Variants in PLCL1 observed in about 807,000 individuals in gnomAD.
PLCL1 encodes phospholipase C like 1 (inactive), also known as inactive phospholipase C-like protein 1.
PLCL1 carries 41 observed loss-of-function variants against 84.4 expected under a neutral mutation model. The observed-to-expected ratio is 0.49, with a 90% CI of 0.38 to 0.63. The LOEUF is 0.63. Ranked by LOEUF, PLCL1 falls within the 30% of genes least tolerant of loss-of-function variation. The probability of loss-of-function intolerance (pLI) is 0.00; values close to 1 mark genes in which losing one functional copy is unlikely to be tolerated. For missense variants in PLCL1, 1,206 were observed against 1,367.8 expected (o/e 0.88, Z 1.87); for synonymous variants, 490 against 488.3 (o/e 1.00, Z -0.05).
intron 1 of PLCL1, among the ~76,000 whole-genome samples, chr2:197,976,040 C>T (rs1380753053): frequency 6.6e-6 from 1 of 152,124 alleles, no homozygotes; most frequent in African/African-American, 2.4e-5. Context: ...TAATATTTCC[C>T]TACACTCTTG....
intron 1 of PLCL1, among the ~76,000 whole-genome samples, chr2:197,829,589 TG>T (rs1691012380): frequency 6.6e-6 from 1 of 152,240 alleles, no homozygotes; most frequent in South Asian, 2.1e-4. Flanking sequence ...TGTAGATTTT[TG>T]CTGTTCTATT....
chr2:197,944,110 G>A (rs981505796), intron 1 of PLCL1, among the ~76,000 whole-genome samples: 8 of 152,154 alleles, frequency 5.3e-5, no homozygotes, highest in East Asian at 1.9e-4. Flanking sequence ...TAGAGTTTGC[G>A]TATCTGGGTA....
At chr2:197,813,234 GACCAT>G (rs1391067071) in intron 1 of PLCL1, among the ~76,000 whole-genome samples, 2 of 152,170 alleles carry the variant, frequency 1.3e-5, no homozygotes, top group Non-Finnish European at 2.9e-5. Context: ...AGAGAGAGAA[GACCAT>G]GCTATGTGCA....
intron 1 of PLCL1, among the ~76,000 whole-genome samples, chr2:197,946,274 T>A (rs558148181): frequency 6.6e-6 from 1 of 152,146 alleles, no homozygotes. Context: ...TTTGACTAAA[T>A]AAAATTTCAA....
intron 5 of PLCL1, among the ~76,000 whole-genome samples, chr2:198,115,968 A>G (rs969598809): frequency 2.0e-5 from 3 of 147,800 alleles, no homozygotes; most frequent in Non-Finnish European, 4.5e-5. Context: ...CATATAATAT[A>G]TAAAAATATA....
At chr2:197,982,742 G>T (rs538470922) in intron 1 of PLCL1, among the ~76,000 whole-genome samples, 28 of 152,332 alleles carry the variant, frequency 1.8e-4, no homozygotes, top group African/African-American at 6.5e-4. Flanking sequence ...TGCTGAGGGA[G>T]TAGCTGTGAT....
chr2:198,038,004 G>A (rs1691584511), intron 1 of PLCL1, among the ~76,000 whole-genome samples: 1 of 152,132 alleles, frequency 6.6e-6, no homozygotes, highest in Non-Finnish European at 1.5e-5. Flanking sequence ...TTCAAGCAGA[G>A]AACTTGAATT....
In PLCL1 at chr2:198,085,207, A is replaced by G. The variant is rs763995640; in HGVS notation, c.1690A>G (p.Met564Val). The change falls in exon 2 of 6, where the codon ATG becomes GTG. Residue 564 changes from methionine to valine, a missense_variant. Coordinates refer to ENST00000428675, the MANE Select transcript of PLCL1 (RefSeq NM_006226.4). The surrounding 1 kb of genome is among the most constrained non-coding windows in gnomAD (Gnocchi z 5.3). ...AACAGATGAAGATGAAGAAGCTGAA[A>G]TGTCTCGAAGGATGTCGGTAGATTA... ...EVTDEDEEAE[M>V]SRRMSVDYNG... is the part of the protein sequence containing the mutation. The G allele has an allele frequency of 1.1e-5, 17 of 1,613,886 alleles. No individual in the cohort carries two copies. Among genetic ancestry groups the G allele is most frequent in the Non-Finnish European group, 1.4e-5 (17 of 1,179,954 alleles).
intron 1 of PLCL1, among the ~76,000 whole-genome samples, chr2:198,079,904 C>T (rs1692668250): frequency 6.6e-6 from 1 of 152,158 alleles, no homozygotes; most frequent in Non-Finnish European, 1.5e-5. Flanking sequence ...AGAGGCATGA[C>T]AATGCACTAT....
intron 1 of PLCL1, among the ~76,000 whole-genome samples, chr2:197,985,753 G>C (rs1559065313): frequency 6.6e-6 from 1 of 152,152 alleles, no homozygotes; most frequent in Non-Finnish European, 1.5e-5. Context: ...TTTACTGTCT[G>C]GCCTTTTACA....
At chr2:197,958,761 C>A (rs1689543579) in intron 1 of PLCL1, among the ~76,000 whole-genome samples, 1 of 152,018 alleles carries the variant, frequency 6.6e-6, no homozygotes, top group African/African-American at 2.4e-5. Context: ...AATCCTCACA[C>A]CACAGAGATA....
At chr2:198,106,073 A>G (rs1207248926) in intron 5 of PLCL1, among the ~76,000 whole-genome samples, 2 of 151,966 alleles carry the variant, frequency 1.3e-5, no homozygotes, top group Non-Finnish European at 2.9e-5. Context: ...TGAATTAACA[A>G]TTTAATACTC....
Position 197,915,135 on chromosome 2 carries a change from A to G in PLCL1, c.240+109796A>G, listed in dbSNP as rs559411193. On this transcript the variant is annotated intron_variant, in intron 1 of 5. Coordinates refer to ENST00000428675, the MANE Select transcript of PLCL1 (RefSeq NM_006226.4). The stretch of plus-strand genomic sequence containing the variant: ...CTGGACAGTTTGCAGCTCAGGTAAG[A>G]ACAATTCCAACTTCCAGATGAGATT... 8.7e-4 allele frequency among the ~76,000 whole-genome samples: 133 copies of G among 152,302 alleles called. 1 individual carries two copies. In the South Asian group the frequency reaches 0.026, roughly 29 times the overall value.
intron 1 of PLCL1, among the ~76,000 whole-genome samples, chr2:198,074,716 T>C (rs1559094212): frequency 6.6e-6 from 1 of 152,186 alleles, no homozygotes; most frequent in Admixed American, 6.5e-5. Flanking sequence ...ACTCACTACA[T>C]AGGACACAAA....
Position 198,013,735 on chromosome 2 carries a change from A to T in PLCL1, c.241-70023A>T, listed in dbSNP as rs184219815. On this transcript the variant is annotated intron_variant, in intron 1 of 5. Transcript: ENST00000428675. ...AATAATTATGAAACACCAATGAACC[A>T]GTGCAGCTGGGGATTTAAACATCTA... Among the ~76,000 whole-genome samples the T allele has an allele frequency of 6.6e-5, 10 of 152,296 alleles. No individual in the cohort carries two copies. The East Asian group carries it at 1.9e-3, about 29-fold the overall frequency.
In PLCL1 at chr2:198,103,942, T is replaced by C. The variant is rs1186035496; in HGVS notation, c.3105+6T>C. 1.4e-6 allele frequency: 2 copies of C among 1,462,522 alleles called. No homozygotes were observed. Among genetic ancestry groups the C allele is most frequent in the South Asian group, 1.2e-5 (1 of 83,282 alleles). The allele number at this position is 1,462,522 out of a possible 1,614,324, so 90.6% of individuals were successfully genotyped here. Reference sequence around the variant, plus strand: ...GGAACATTACAGTATTGAAGGTAGATGAAACACTCAGATGTCCCCTGTGCC... The same window carrying C: ...GGAACATTACAGTATTGAAGGTAGACGAAACACTCAGATGTCCCCTGTGCC... On this transcript the variant is annotated splice_donor_region_variant and intron_variant, in intron 5 of 5. Transcript: ENST00000428675.
At chr2:197,958,056 T>G (rs1689526381) in intron 1 of PLCL1, among the ~76,000 whole-genome samples, 2 of 151,946 alleles carry the variant, frequency 1.3e-5, no homozygotes, top group African/African-American at 4.8e-5. Context: ...TTTTCTCTCA[T>G]GTGGCTTCCC....
chr2:198,033,243 A>G (rs1033484748), intron 1 of PLCL1, among the ~76,000 whole-genome samples: 14 of 152,202 alleles, frequency 9.2e-5, no homozygotes, highest in African/African-American at 1.4e-4. Context: ...CAGCATTAGC[A>G]CTTTTCTGAG....
chr2:197,999,342 AG>A (rs1690543835), intron 1 of PLCL1, among the ~76,000 whole-genome samples: 1 of 152,256 alleles, frequency 6.6e-6, no homozygotes, highest in Non-Finnish European at 1.5e-5. Context: ...GACAATAAAA[AG>A]GACCCTATAA....
Sources: allele counts gnomAD v4.1 joint callset (sites outside exome capture counted in the v4.1 genomes callset), GRCh38; gene constraint gnomAD v4.1.1; non-coding constraint Gnocchi (gnomAD v3.1); transcripts MANE v1.5; gene names NCBI Gene and HGNC (gene_info 2026-07-23, HGNC 2026-07-21).